Variants in TONSL observed in about 807,000 individuals in gnomAD.
TONSL encodes the protein tonsoku like, DNA repair protein.
In TONSL, 112 loss-of-function variants were observed where a neutral mutation model predicts 147.1. The ratio of observed to expected loss-of-function variants is 0.76; its 90% CI spans 0.65 to 0.89. TONSL has a LOEUF of 0.89. Among genes scored for constraint, TONSL ranks in the 40% least tolerant of loss-of-function variants. TONSL has a pLI of 0.00. For synonymous variants in TONSL, 868 were observed against 801.5 expected (o/e 1.08, Z -1.40); for missense variants, 1,883 against 1,864.6 (o/e 1.01, Z -0.18).
chr8:144,430,391 T>C lies in TONSL; in HGVS notation c.3943+13A>G. The C allele has an allele frequency of 6.3e-7, 1 of 1,595,650 alleles. No homozygotes were observed. Among genetic ancestry groups the C allele is most frequent in the South Asian group, 1.1e-5 (1 of 88,534 alleles). ...CCGAACATGGCAGGCGTGGCCACCA[T>C]ACCAGCACTCACCTGACAGGCCAAG... On this transcript the variant is annotated intron_variant, in intron 25 of 25. Transcript: ENST00000409379.
chr8:144,442,200 A>G (rs778061481), intron 6 of TONSL, 41 bp downstream of exon 6: 2 of 1,593,324 alleles, frequency 1.3e-6, no homozygotes, highest in African/African-American at 2.7e-5. Flanking sequence ...CAAGGCCCGA[A>G]TCTACGAGAG....
At position 144,443,245 on chromosome 8, in the gene TONSL, C is replaced by A; in HGVS notation, c.341G>T (p.Gly114Val). 1.3e-6 allele frequency: 2 copies of A among 1,550,792 alleles called. No homozygotes were observed. The highest frequency in any genetic ancestry group is 1.7e-6 in the Non-Finnish European group (2 of 1,146,984). ...GTCATAGATGTCCAGGTGGGTGCGG[C>A]CGATGGTGGCCCAGGCCCTCTGCAG... The part of the protein sequence containing the change: ...TELQRAWATI[G>V]RTHLDIYDHC... Residue 114 changes from glycine (G) to valine (V), a missense_variant, in exon 4 of 26, where the codon GGC (glycine) becomes GTC (valine). Physicochemically the swap from Gly to Val is moderately radical, Grantham distance 109 (BLOSUM62 -3). Transcript: ENST00000409379.
chr8:144,435,293 GC>G, intron 18 of TONSL, 123 bp from the exon 19 acceptor site: 1 of 1,347,884 alleles, frequency 7.4e-7, no homozygotes, highest in Non-Finnish European at 9.8e-7. Flanking sequence ...CAGGTAGCCG[GC>G]CCCTCCTCTC....
chr8:144,434,964 C>A lies in TONSL; in HGVS notation c.3006+53G>T. On this transcript the variant is annotated intron_variant, in intron 19 of 25. Transcript: ENST00000409379. Reference sequence around the variant, plus strand: ...TCATTGCTCTGCAGCCATGAGCCACCCGGGGGCTCCCGGTGCCTGAGGCCC... The same window carrying A: ...TCATTGCTCTGCAGCCATGAGCCACACGGGGGCTCCCGGTGCCTGAGGCCC... 1.1e-5 allele frequency: 17 copies of A among 1,611,038 alleles called. No homozygotes were observed. In the South Asian group the frequency reaches 1.3e-4, roughly 13 times the overall value.
chr8:144,437,984 C>T (rs531829425), intron 13 of TONSL, among the ~76,000 whole-genome samples: 1 of 152,220 alleles, frequency 6.6e-6, no homozygotes, highest in South Asian at 2.1e-4. Context: ...CTCACTGCAG[C>T]CTCCACCTCC....
intron 5 of TONSL, 69 bp from the exon 6 acceptor site, chr8:144,442,481 C>T (rs1823757247): frequency 1.3e-6 from 2 of 1,499,046 alleles, no homozygotes; most frequent in Non-Finnish European, 1.8e-6. Flanking sequence ...ACACGGGCCC[C>T]AGCCCTGCCA....
intron 11 of TONSL, among the ~76,000 whole-genome samples, chr8:144,439,263 C>A (rs541106191): frequency 1.3e-5 from 2 of 152,290 alleles, no homozygotes; most frequent in East Asian, 3.9e-4. Context: ...GCCCTTCACA[C>A]CCTGCCAGCT....
rs769228894 is a variant in TONSL at position 144,444,217 on chromosome 8, C to A, written c.84G>T (p.Ala28=). The A allele has an allele frequency of 3.4e-6, 5 of 1,458,580 alleles. No individual in the cohort carries two copies. The South Asian group carries it at 6.6e-5, about 19-fold the overall frequency. 90.4% of individuals were successfully genotyped at this position (1,458,580 alleles called of 1,614,324 possible). The change falls in exon 2 of 26, where the codon GCG becomes GCT. Residue 28 remains alanine, a synonymous_variant. Coordinates refer to ENST00000409379, the MANE Select transcript of TONSL (RefSeq NM_013432.5). Reference sequence around the variant, plus strand: ...GGAGCTCCCCCAGCTGGTGGCACAGCGCGGCCTCTTCGCGCCGCTGCCCGG... The same window carrying A: ...GGAGCTCCCCCAGCTGGTGGCACAGAGCGGCCTCTTCGCGCCGCTGCCCGG... The part of the protein sequence containing the change: ...QRAGQRREEA[A]LCHQLGELLA...
intron 23 of TONSL, among the ~76,000 whole-genome samples, chr8:144,431,393 C>A (rs13259250): frequency 6.6e-6 from 1 of 151,772 alleles, no homozygotes; most frequent in South Asian, 2.1e-4. Context: ...CCCTAGTGTG[C>A]CCCTTGGGAC....
rs539239669 is a variant in TONSL, at chr8:144,438,681, C to T, written c.1535G>A (p.Gly512Asp). 2 of 1,613,260 alleles carry T rather than the reference C, an allele frequency of 1.2e-6. No individual in the cohort carries two copies. The highest frequency in any genetic ancestry group is 1.7e-5 in the Admixed American group (1 of 60,014). ...PQLEEDEELQ[G>D]HLGRRKGSKW... ...GCTCCCCTTCCGCCGGCCCAGGTGG[C>T]CCTGAAGCTCCTCGTCCTCCTCCAG... The change falls in exon 12 of 26, where the codon GGC becomes GAC. Residue 512 changes from glycine (G) to aspartate (D), a missense_variant. Transcript: ENST00000409379.
chr8:144,439,049 G>A lies in TONSL; in HGVS notation c.1481-314C>T, dbSNP rs368289785. Among the ~76,000 whole-genome samples, 45 of 152,096 alleles carry A rather than the reference G, an allele frequency of 3.0e-4. No individual in the cohort carries two copies. In the East Asian group the frequency reaches 5.0e-3, roughly 17 times the overall value. Reference sequence around the variant, plus strand: ...TGCCCGAGGCCCCCTCTGTCCATGCGCCAGCCACTCATCCCCACGCCCAGA... The same window carrying A: ...TGCCCGAGGCCCCCTCTGTCCATGCACCAGCCACTCATCCCCACGCCCAGA... On this transcript the variant is annotated intron_variant, in intron 11 of 25. Coordinates refer to ENST00000409379, the MANE Select transcript of TONSL (RefSeq NM_013432.5).
At position 144,444,036 on chromosome 8, in the gene TONSL, C is replaced by T. The variant is rs1291444801; in HGVS notation, c.122-12G>A. On this transcript the variant is annotated splice_polypyrimidine_tract_variant and intron_variant, in intron 2 of 25. Transcript: ENST00000409379. ...CTCGGCGTAGCGGCCTAGGCGGGGG[C>T]ACAGCACGGCCTGGCAGGCGTCGCG... The T allele has an allele frequency of 6.5e-7, 1 of 1,528,484 alleles. No homozygotes were observed. The highest frequency in any genetic ancestry group is 8.8e-7 in the Non-Finnish European group (1 of 1,142,440). 94.7% of individuals were successfully genotyped at this position (1,528,484 alleles called of 1,614,324 possible).
In TONSL at chr8:144,438,682, C is replaced by T. The variant is rs369297873; in HGVS notation, c.1534G>A (p.Gly512Ser). Residue 512 changes from glycine (G) to serine (S), a missense_variant, in exon 12 of 26, where the codon GGC becomes AGC. By Grantham distance (56) the Gly-to-Ser change is moderately conservative. Transcript: ENST00000409379. ...PQLEEDEELQGHLGRRKGSKW... is the reference protein window; with the variant it reads ...PQLEEDEELQSHLGRRKGSKW... ...CTCCCCTTCCGCCGGCCCAGGTGGC[C>T]CTGAAGCTCCTCGTCCTCCTCCAGC... The T allele has an allele frequency of 1.2e-6, 2 of 1,613,240 alleles. No homozygotes were observed. Among genetic ancestry groups the T allele is most frequent in the African/African-American group, 2.7e-5 (2 of 75,024 alleles).
Position 144,435,642 on chromosome 8 carries a change from A to T in TONSL, c.2775+16T>A. ...CGGAGTGGGGAGAGGGCTCTGCTCCAGGTCTGCATACCCACCAAGGGCTGG... is the reference window on the plus strand; with the variant it reads ...CGGAGTGGGGAGAGGGCTCTGCTCCTGGTCTGCATACCCACCAAGGGCTGG... On this transcript the variant is annotated intron_variant, in intron 17 of 25. Coordinates refer to ENST00000409379, the MANE Select transcript of TONSL (RefSeq NM_013432.5). The T allele has an allele frequency of 6.3e-7, 1 of 1,591,648 alleles. No homozygotes were observed. The highest frequency in any genetic ancestry group is 1.1e-5 in the South Asian group (1 of 89,682).
chr8:144,428,991 A>T lies in TONSL; in HGVS notation c.*152T>A, dbSNP rs564670282. On this transcript the variant is annotated 3_prime_UTR_variant, in exon 26 of 26. Coordinates refer to ENST00000409379, the MANE Select transcript of TONSL (RefSeq NM_013432.5). The stretch of plus-strand genomic sequence containing the variant: ...TTTTTAGTAGAGACGGGGTTTCACC[A>T]TGTTAGCCAGGATGGTCTCGATCTC... 2.3e-6 allele frequency: 2 copies of T among 863,826 alleles called. No individual in the cohort carries two copies. Among genetic ancestry groups the T allele is most frequent in the South Asian group, 2.0e-5 (1 of 49,558 alleles). 53.5% of individuals were successfully genotyped at this position (863,826 alleles called of 1,614,324 possible).
At chr8:144,434,790 T>C in intron 20 of TONSL, 21 bp downstream of exon 20, 1 of 1,611,460 alleles carries the variant, frequency 6.2e-7, no homozygotes, top group Non-Finnish European at 8.5e-7. Context: ...ACCCAGAAAC[T>C]GCAGCTCTCC....
intron 19 of TONSL, 50 bp from the exon 20 acceptor site, chr8:144,434,939 T>A: frequency 6.2e-7 from 1 of 1,612,130 alleles, no homozygotes; most frequent in Non-Finnish European, 8.5e-7. Flanking sequence ...GCTCACCTCA[T>A]CATTGCTCTG....
At chr8:144,444,092 C>T in intron 2 of TONSL, 68 bp from the exon 3 acceptor site, 1 of 1,327,290 alleles carries the variant, frequency 7.5e-7, no homozygotes, top group Non-Finnish European at 9.6e-7. Flanking sequence ...GCGGCGTCTG[C>T]CGGAAGAGCC....
Position 144,436,154 on chromosome 8 carries a change from G to T in TONSL, c.2279C>A (p.Pro760His). The stretch of plus-strand genomic sequence containing the variant: ...CCGTTGTGCTGTGGCCGAGCACCGA[G>T]GCCTCTTCTGGGACGGCCGTGCGGG... ...AGPARPSQKR[P>H]RCSATAQRVA... The change falls in exon 17 of 26, where the codon CCT becomes CAT. Residue 760 changes from proline to histidine, a missense_variant. Transcript: ENST00000409379. 1 of 1,572,514 alleles carries T rather than the reference G, an allele frequency of 6.4e-7. No individual in the cohort carries two copies. The highest frequency in any genetic ancestry group is 8.6e-7 in the Non-Finnish European group (1 of 1,165,972).
Sources: gnomAD v4.1 joint callset for allele counts (sites outside exome capture counted in the v4.1 genomes callset) on GRCh38, gnomAD v4.1.1 for gene constraint, MANE v1.5 for transcripts, NCBI Gene and HGNC (gene_info 2026-07-23, HGNC 2026-07-21) for gene names.